Variants in UXS1 observed in about 807,000 individuals in gnomAD.
The protein encoded by UXS1 is UDP-glucuronic acid decarboxylase 1.
In UXS1, 33 loss-of-function variants were observed where a neutral mutation model predicts 62.6. The ratio of observed to expected loss-of-function variants is 0.53; its 90% CI spans 0.40 to 0.70. The LOEUF (loss-of-function observed/expected upper bound fraction) is 0.70. Ranked by LOEUF, UXS1 falls within the 30% of genes least tolerant of loss-of-function variation. The probability of loss-of-function intolerance (pLI) is 0.00; values close to 1 mark genes in which losing one functional copy is unlikely to be tolerated. For synonymous variants in UXS1, 213 were observed against 206.8 expected, an observed-to-expected ratio of 1.03 and a Z score of -0.26; for missense variants, 434 against 556.3, an observed-to-expected ratio of 0.78 and a Z score of 2.21.
chr2:106,121,377 T>C (rs911246269), intron 9 of UXS1, among the ~76,000 whole-genome samples: 1 of 152,214 alleles, frequency 6.6e-6, no homozygotes, highest in Non-Finnish European at 1.5e-5. Flanking sequence ...AATCAAAATG[T>C]CCCATTTGTC....
chr2:106,096,850 G>A, intron 13 of UXS1, 29 bp from the exon 14 acceptor site: 6 of 1,552,874 alleles, frequency 3.9e-6, no homozygotes, highest in Non-Finnish European at 5.2e-6. Context: ...AAAAAGGTAG[G>A]AGAGAATCAC....
intron 1 of UXS1, among the ~76,000 whole-genome samples, chr2:106,171,320 C>T (rs1352320140): frequency 6.6e-6 from 1 of 152,012 alleles, no homozygotes; most frequent in Admixed American, 6.6e-5. Context: ...CTGAGTCTAA[C>T]TTGATTTCTT....
intron 10 of UXS1, among the ~76,000 whole-genome samples, chr2:106,112,365 G>A (rs761229495): frequency 1.4e-4 from 22 of 152,212 alleles, no homozygotes; most frequent in Non-Finnish European, 2.6e-4. Flanking sequence ...AAAGTATGTC[G>A]GAGAAGGTCT....
At chr2:106,100,951 C>G in intron 12 of UXS1, 107 bp downstream of exon 12, 4 of 1,359,132 alleles carry the variant, frequency 2.9e-6, no homozygotes, top group Non-Finnish European at 4.2e-6. Context: ...ACACAAATGT[C>G]CTAAGTGTGC....
intron 1 of UXS1, among the ~76,000 whole-genome samples, chr2:106,167,016 G>C (rs538375286): frequency 1.8e-4 from 27 of 152,308 alleles, no homozygotes; most frequent in Non-Finnish European, 3.1e-4. Context: ...CAACGGGAGT[G>C]CCATCCTTTC....
chr2:106,147,287 T>C (rs536213153), intron 5 of UXS1, among the ~76,000 whole-genome samples: 30 of 152,186 alleles, frequency 2.0e-4, no homozygotes, highest in Non-Finnish European at 3.8e-4. Context: ...TTTTGGAATT[T>C]AGACACAACT....
At chr2:106,115,432 G>C (rs1678982785) in intron 9 of UXS1, among the ~76,000 whole-genome samples, 1 of 152,260 alleles carries the variant, frequency 6.6e-6, no homozygotes, top group Non-Finnish European at 1.5e-5. Flanking sequence ...AAAGCTGTCA[G>C]TCAGAAAGCT....
At chr2:106,146,550 A>C (rs927571805) in intron 5 of UXS1, among the ~76,000 whole-genome samples, 1 of 152,000 alleles carries the variant, frequency 6.6e-6, no homozygotes, top group African/African-American at 2.4e-5. Flanking sequence ...AGGCCGAGAC[A>C]GGTGGATCAC....
intron 1 of UXS1, chr2:106,183,588 A>T (rs1031816359): frequency 4.6e-5 from 7 of 152,210 alleles, no homozygotes; most frequent in Admixed American, 3.9e-4. Flanking sequence ...GGCGATGAGG[A>T]AACCCTCAGC....
intron 1 of UXS1, among the ~76,000 whole-genome samples, chr2:106,191,767 C>G (rs938134379): frequency 6.6e-6 from 1 of 152,266 alleles, no homozygotes; most frequent in Admixed American, 6.5e-5. Flanking sequence ...CCTGTTAACT[C>G]CTACATAAGC....
intron 13 of UXS1, among the ~76,000 whole-genome samples, chr2:106,098,286 C>T (rs969969792): frequency 6.6e-6 from 1 of 152,230 alleles, no homozygotes; most frequent in African/African-American, 2.4e-5. Context: ...GCTACACTGC[C>T]CCCAGTGGGT....
At chr2:106,193,988 G>A (rs557715488) in intron 1 of UXS1, among the ~76,000 whole-genome samples, 160 bp downstream of exon 1, 6 of 151,966 alleles carry the variant, frequency 3.9e-5, no homozygotes, top group African/African-American at 9.6e-5. Context: ...TTTGCTGCAA[G>A]AGTGGAAAGG....
chr2:106,115,978 C>T (rs1208350827), intron 9 of UXS1, among the ~76,000 whole-genome samples: 2 of 152,112 alleles, frequency 1.3e-5, no homozygotes, highest in African/African-American at 2.4e-5. Flanking sequence ...TCCCAAAGGC[C>T]CTTTGGAAAC....
At chr2:106,158,264 A>G (rs1682608230) in intron 4 of UXS1, 146 bp from the exon 5 acceptor site, 1 of 670,416 alleles carries the variant, frequency 1.5e-6, no homozygotes, top group South Asian at 1.9e-5. Flanking sequence ...GGAGAAACCA[A>G]GGAGTCACTA....
intron 5 of UXS1, among the ~76,000 whole-genome samples, chr2:106,152,552 GAGAA>G (rs1299284215): frequency 1.5e-5 from 2 of 133,808 alleles, no homozygotes; most frequent in East Asian, 2.0e-4. Flanking sequence ...GAGAGAAAGG[GAGAA>G]AGAAAGGAAG....
chr2:106,127,128 G>T (rs1163326492), intron 7 of UXS1, among the ~76,000 whole-genome samples: 2 of 152,284 alleles, frequency 1.3e-5, no homozygotes, highest in Non-Finnish European at 2.9e-5. Context: ...ATGCACTGCC[G>T]TTAATCATTC....
At chr2:106,136,469 T>C (rs1250607526) in intron 6 of UXS1, among the ~76,000 whole-genome samples, 3 of 65,166 alleles carry the variant, frequency 4.6e-5, no homozygotes, top group African/African-American at 2.0e-4. Flanking sequence ...ACACGTATGT[T>C]TATTGCGGCA....
Position 106,112,629 on chromosome 2 carries a change from C to A in UXS1, c.879+17G>T. The A allele has an allele frequency of 6.2e-7, 1 of 1,613,094 alleles. No individual in the cohort carries two copies. ...TTTGGGTTGCAAGGTGCTCCCTGAG[C>A]CGAGGCCAGCACCTACCGTGAGTGG... is the stretch of plus-strand genomic sequence containing the variant. On this transcript the variant is annotated intron_variant, in intron 10 of 14. Coordinates refer to ENST00000283148, the MANE Select transcript of UXS1 (RefSeq NM_001253875.2).
chr2:106,174,617 C>T (rs1165848433), intron 1 of UXS1, among the ~76,000 whole-genome samples: 1 of 152,188 alleles, frequency 6.6e-6, no homozygotes, highest in Non-Finnish European at 1.5e-5. Context: ...CAACCCAGGG[C>T]CTGTGTGGGG....
Sources: gnomAD v4.1 joint callset for allele counts (sites outside exome capture counted in the v4.1 genomes callset) on GRCh38, gnomAD v4.1.1 for gene constraint, MANE v1.5 for transcripts, NCBI Gene and HGNC (gene_info 2026-07-23, HGNC 2026-07-21) for gene names.